The following OSBPL8 variants were observed in gnomAD, a reference collection of about 807,000 sequenced individuals.
OSBPL8 encodes oxysterol binding protein like 8.
In OSBPL8, 59 loss-of-function variants were observed where a neutral mutation model predicts 125.5. The observed-to-expected ratio is 0.47, with a 90% confidence interval of 0.38 to 0.58. The LOEUF (loss-of-function observed/expected upper bound fraction) is 0.58, where lower values mean the gene tolerates loss of function less well. OSBPL8 is among the 20% of genes least tolerant of loss of function. The probability of loss-of-function intolerance (pLI) is 0.00; values close to 1 mark genes in which losing one functional copy is unlikely to be tolerated. For synonymous variants in OSBPL8, 330 were observed against 338.9 expected, an observed-to-expected ratio of 0.97 and a Z score of 0.29; for missense variants, 758 against 1,047.8, an observed-to-expected ratio of 0.72 and a Z score of 3.82.
chr12:76,429,054 T>C (rs1220481344), intron 4 of OSBPL8, among the ~76,000 whole-genome samples: 1 of 152,118 alleles, frequency 6.6e-6, no homozygotes, highest in East Asian at 1.9e-4. Flanking sequence ...CTGCAAATTA[T>C]ACCAAGCAAT....
chr12:76,358,175 CTTTTTTTTTTTTT>C (rs60714321), intron 22 of OSBPL8, among the ~76,000 whole-genome samples: 1 of 100,192 alleles, frequency 1.0e-5, no homozygotes, highest in Non-Finnish European at 1.9e-5. Context: ...GAGTGTGGTT[CTTTTTTTTTTTTT>C]TTTTTTTTTG....
chr12:76,515,003 T>C (rs1881391362), intron 1 of OSBPL8, among the ~76,000 whole-genome samples: 1 of 152,206 alleles, frequency 6.6e-6, no homozygotes, highest in Non-Finnish European at 1.5e-5. Context: ...TCAGATTAAT[T>C]AGGTTCTTTT....
At chr12:76,366,525 T>C (rs757284132) in intron 21 of OSBPL8, 2 of 398,686 alleles carry the variant, frequency 5.0e-6, no homozygotes, top group South Asian at 3.8e-5. Flanking sequence ...ATTTTTTTCC[T>C]ACTCTCTATT....
intron 1 of OSBPL8, among the ~76,000 whole-genome samples, chr12:76,547,333 A>G (rs1394744776): frequency 6.6e-6 from 1 of 152,218 alleles, no homozygotes; most frequent in African/African-American, 2.4e-5. Context: ...TCTAAGCTCA[A>G]TCAATATGGA....
intron 2 of OSBPL8, among the ~76,000 whole-genome samples, chr12:76,478,502 TTC>T (rs1268767076): frequency 3.9e-5 from 6 of 152,166 alleles, no homozygotes; most frequent in Non-Finnish European, 7.3e-5. Context: ...CACTGGTTAT[TTC>T]TCTTTCTTTT....
chr12:76,359,313 C>A (rs1952107705), intron 21 of OSBPL8, among the ~76,000 whole-genome samples: 1 of 152,120 alleles, frequency 6.6e-6, no homozygotes, highest in African/African-American at 2.4e-5. Flanking sequence ...TTAATCACAT[C>A]TGGGTAGTAC....
intron 21 of OSBPL8, among the ~76,000 whole-genome samples, chr12:76,360,802 G>A (rs1322409155): frequency 2.6e-5 from 4 of 152,232 alleles, no homozygotes; most frequent in African/African-American, 4.8e-5. Context: ...CATGGGCAGA[G>A]CTGTAACTTG....
intron 4 of OSBPL8, among the ~76,000 whole-genome samples, chr12:76,424,436 T>C (rs577884675): frequency 1.2e-4 from 19 of 152,358 alleles, no homozygotes; most frequent in Middle Eastern, 3.4e-3. Flanking sequence ...TTGGTTATTA[T>C]TATTTTTTGC....
chr12:76,422,518 T>C (rs1869614685), intron 4 of OSBPL8: 1 of 456,344 alleles, frequency 2.2e-6, no homozygotes, highest in Non-Finnish European at 4.4e-6. Context: ...AACCTGGCAA[T>C]GAAGGAGAAA....
chr12:76,433,893 T>G (rs1480230016), intron 4 of OSBPL8, among the ~76,000 whole-genome samples: 1 of 148,858 alleles, frequency 6.7e-6, no homozygotes, highest in African/African-American at 2.5e-5. Flanking sequence ...GATAATTGCT[T>G]GAACCCAGGA....
intron 5 of OSBPL8, among the ~76,000 whole-genome samples, chr12:76,404,812 T>C (rs192573612): frequency 2.0e-5 from 3 of 152,330 alleles, no homozygotes; most frequent in Admixed American, 6.5e-5. Flanking sequence ...ATTACAGTAG[T>C]TAAGTTTTTA....
intron 4 of OSBPL8, among the ~76,000 whole-genome samples, chr12:76,441,432 T>TTA (rs1872167984): frequency 6.6e-6 from 1 of 152,176 alleles, no homozygotes; most frequent in Non-Finnish European, 1.5e-5. Context: ...ACAATTCTAC[T>TTA]GATATTACTT....
chr12:76,492,092 A>G (rs1878777923), intron 1 of OSBPL8, among the ~76,000 whole-genome samples: 1 of 152,056 alleles, frequency 6.6e-6, no homozygotes, highest in South Asian at 2.1e-4. Context: ...ATATTAGAAG[A>G]TAGTAAGTGC....
chr12:76,422,616 A>G, intron 4 of OSBPL8: 1 of 456,570 alleles, frequency 2.2e-6, no homozygotes, highest in Non-Finnish European at 4.4e-6. Context: ...ACCCCAGTAC[A>G]GGAAGAAAAT....
chr12:76,529,447 T>C (rs556412982), intron 1 of OSBPL8, among the ~76,000 whole-genome samples: 1 of 150,656 alleles, frequency 6.6e-6, no homozygotes, highest in African/African-American at 2.4e-5. Flanking sequence ...CTCTAAACCA[T>C]GAAGCAACTA....
chr12:76,423,533 T>A (rs1210160212), intron 4 of OSBPL8, among the ~76,000 whole-genome samples: 7 of 152,182 alleles, frequency 4.6e-5, no homozygotes, highest in Admixed American at 2.6e-4. Flanking sequence ...AAATTTTTTT[T>A]AAAAGCAACT....
intron 1 of OSBPL8, among the ~76,000 whole-genome samples, chr12:76,496,723 G>A (rs2137083886): frequency 6.6e-6 from 1 of 152,060 alleles, no homozygotes; most frequent in East Asian, 1.9e-4. Flanking sequence ...TGTATTTTTA[G>A]TAGAGATGGG....
At chr12:76,408,311 A>T (rs1954359861) in intron 5 of OSBPL8, among the ~76,000 whole-genome samples, 1 of 150,408 alleles carries the variant, frequency 6.6e-6, no homozygotes, top group Admixed American at 6.6e-5. Flanking sequence ...AATACAAAAA[A>T]ATTAGCCAGC....
intron 1 of OSBPL8, among the ~76,000 whole-genome samples, chr12:76,502,783 G>A (rs1052890332): frequency 5.9e-5 from 9 of 152,066 alleles, no homozygotes; most frequent in African/African-American, 1.7e-4. Flanking sequence ...AATACAGAAG[G>A]GATAGTGGAA....
Sources: gnomAD v4.1 joint callset for allele counts (sites outside exome capture counted in the v4.1 genomes callset) on GRCh38, gnomAD v4.1.1 for gene constraint, MANE v1.5 for transcripts, NCBI Gene and HGNC (gene_info 2026-07-23, HGNC 2026-07-21) for gene names.